SEC14L3: variants seen among roughly 807,000 people sequenced by gnomAD.
The protein encoded by SEC14L3 is SEC14-like protein 3.
Under a neutral mutation model 57.4 loss-of-function variants are expected in SEC14L3, and 56 were observed. That is an observed-to-expected ratio of 0.97 (90% CI 0.79 to 1.22). The LOEUF (loss-of-function observed/expected upper bound fraction) is 1.22. Ranked by LOEUF, SEC14L3 falls within the 50% of genes most tolerant of loss-of-function variation. SEC14L3 has a pLI of 0.00. For synonymous variants in SEC14L3, 173 were observed against 194.4 expected, an observed-to-expected ratio of 0.89 and a Z score of 0.92; for missense variants, 485 against 511.7, an observed-to-expected ratio of 0.95 and a Z score of 0.50.
chr22:30,458,585 T>C (rs919250896), downstream of SEC14L3, among the ~76,000 whole-genome samples: 8 of 152,172 alleles, frequency 5.3e-5, no homozygotes, highest in Admixed American at 5.2e-4. Context: ...GATGTGGTCT[T>C]ACTATGTTGC....
At chr22:30,467,866 C>A (rs1601824401) in intron 5 of SEC14L3, among the ~76,000 whole-genome samples, 1 of 152,332 alleles carries the variant, frequency 6.6e-6, no homozygotes, top group East Asian at 1.9e-4. Context: ...TTCACTTTTG[C>A]AACCATTATT....
chr22:30,469,040 G>T, intron 4 of SEC14L3: 2 of 1,186,628 alleles, frequency 1.7e-6, no homozygotes, highest in Non-Finnish European at 2.2e-6. Context: ...GACACTGGCT[G>T]GGCATGGAGG....
downstream of SEC14L3, among the ~76,000 whole-genome samples, chr22:30,454,801 T>C (rs1935065297): frequency 1.7e-5 from 1 of 58,958 alleles, no homozygotes; most frequent in Non-Finnish European, 2.6e-5. Context: ...TATTATTGTA[T>C]ATTATATATT....
chr22:30,470,317 T>G, intron 2 of SEC14L3, 62 bp from the exon 3 acceptor site: 1 of 1,597,876 alleles, frequency 6.3e-7, no homozygotes, highest in Non-Finnish European at 8.5e-7. Context: ...TCCTGGCCAG[T>G]GGGAGCTATG....
downstream of SEC14L3, among the ~76,000 whole-genome samples, chr22:30,458,204 G>A (rs776747584): frequency 9.9e-5 from 15 of 152,250 alleles, no homozygotes; most frequent in Non-Finnish European, 1.5e-4. Context: ...GCCTCTTCAC[G>A]TCCCCGAATC....
chr22:30,459,943 T>C lies in SEC14L3; in HGVS notation c.*78A>G. On this transcript the variant is annotated 3_prime_UTR_variant, in exon 12 of 12. Transcript: ENST00000215812. ...CAGAGTCAGGAGGACTAACAATCAATTTCAGGGAGGGAGGGAGTGTAGGAT... is the reference window on the plus strand; with the variant it reads ...CAGAGTCAGGAGGACTAACAATCAACTTCAGGGAGGGAGGGAGTGTAGGAT... 3.2e-6 allele frequency: 5 copies of C among 1,552,604 alleles called. No homozygotes were observed.
chr22:30,466,647 T>C (rs1935425881), intron 6 of SEC14L3, among the ~76,000 whole-genome samples: 1 of 152,204 alleles, frequency 6.6e-6, no homozygotes, highest in Non-Finnish European at 1.5e-5. Flanking sequence ...TACTGTTGAT[T>C]AAATGTTCAC....
downstream of SEC14L3, among the ~76,000 whole-genome samples, chr22:30,455,180 A>T (rs1935096649): frequency 9.1e-6 from 1 of 110,142 alleles, no homozygotes; most frequent in Non-Finnish European, 1.7e-5. Context: ...TATTATATTT[A>T]ATATTTAATA....
chr22:30,449,226 C>T, exon 13 of SEC14L3: 1 of 1,550,416 alleles, frequency 6.4e-7, no homozygotes. Context: ...GCAAGACTTC[C>T]CAGACTCACT....
chr22:30,450,949 T>C (rs1934968752), intron 12 of SEC14L3, among the ~76,000 whole-genome samples: 1 of 152,164 alleles, frequency 6.6e-6, no homozygotes, highest in African/African-American at 2.4e-5. Flanking sequence ...CATGCTGGGA[T>C]TGGGATTTGG....
intron 8 of SEC14L3, 28 bp downstream of exon 8, chr22:30,464,792 G>C: frequency 1.2e-6 from 2 of 1,610,238 alleles, no homozygotes; most frequent in Non-Finnish European, 1.7e-6. Flanking sequence ...ATGTATAGAG[G>C]TCAGGAAATT....
Position 30,459,391 on chromosome 22 carries a change from A to C in SEC14L3, c.*630T>G, listed in dbSNP as rs1251877271. The stretch of plus-strand genomic sequence containing the variant: ...GATGTAGGCAGCTCCTATCAGAGGC[A>C]TGTGGCCTTTGTGGCTGGGGCCCTC... On this transcript the variant is annotated 3_prime_UTR_variant, in exon 12 of 12. Transcript: ENST00000215812. The C allele has an allele frequency of 1.0e-6, 1 of 985,362 alleles. No individual in the cohort carries two copies. The highest frequency in any genetic ancestry group is 1.2e-6 in the Non-Finnish European group (1 of 829,984). The allele number at this position is 985,362 out of a possible 1,614,324, so 61.0% of individuals were successfully genotyped here. A position where few individuals can be genotyped will look rare whatever the true frequency, so the allele number is the denominator to read the frequency against.
At position 30,470,573 on chromosome 22, in the gene SEC14L3, T is replaced by C; in HGVS notation, c.64A>G (p.Asn22Asp). The C allele has an allele frequency of 1.2e-6, 2 of 1,614,212 alleles. No homozygotes were observed. Among genetic ancestry groups the C allele is most frequent in the Non-Finnish European group, 1.7e-6 (2 of 1,180,036 alleles). ...QAETLAKFRE[N>D]VQDVLPALPN... ...AGGGCAGGAAGCACATCCTGGACGT[T>C]TTCTCGGAACTGGCAAGAGAGATGC... The change falls in exon 2 of 12, where the codon AAC becomes GAC. Residue 22 changes from asparagine to aspartate, a missense_variant. Physicochemically the swap from Asn to Asp is conservative, Grantham distance 23 (BLOSUM62 1). Transcript: ENST00000215812.
intron 1 of SEC14L3, 129 bp downstream of exon 1, chr22:30,471,776 G>T: frequency 1.5e-6 from 2 of 1,349,072 alleles, no homozygotes; most frequent in Admixed American, 1.7e-5. Context: ...CCCTTTGGGA[G>T]GTAACACCAA....
rs749667084 is a variant in SEC14L3, at chr22:30,470,194, A to G, written c.174+18T>C. On this transcript the variant is annotated intron_variant, in intron 3 of 11. Coordinates refer to ENST00000215812, the MANE Select transcript of SEC14L3 (RefSeq NM_174975.5). ...TGACAAATCCCCTCCATAAATTTCC[A>G]GAGTGGATAGGTCTCACCTTGCGGA... The G allele has an allele frequency of 9.3e-6, 15 of 1,613,954 alleles. No homozygotes were observed. The highest frequency in any genetic ancestry group is 1.3e-5 in the Non-Finnish European group (15 of 1,179,956).
chr22:30,449,870 C>A (rs1236170962), intron 12 of SEC14L3, among the ~76,000 whole-genome samples: 3 of 152,106 alleles, frequency 2.0e-5, no homozygotes, highest in Non-Finnish European at 4.4e-5. Context: ...TGGCCCCAAT[C>A]TGTCCCTGTT....
chr22:30,461,506 G>C, intron 10 of SEC14L3, 27 bp from the exon 11 acceptor site: 1 of 1,613,350 alleles, frequency 6.2e-7, no homozygotes, highest in Non-Finnish European at 8.5e-7. Flanking sequence ...GAGGAGACAG[G>C]TTGCTGCTCA....
chr22:30,467,997 C>T (rs981480503), intron 5 of SEC14L3, among the ~76,000 whole-genome samples: 1 of 152,118 alleles, frequency 6.6e-6, no homozygotes, highest in Non-Finnish European at 1.5e-5. Flanking sequence ...AATTCTATTC[C>T]CGGCCTGGTA....
rs1195543507 is a variant in SEC14L3 at position 30,464,915 on chromosome 22, G to A, written c.581-12C>T. ...GAACAGTTTGGTAGCTGGAGAGATA[G>A]AAGTAAGGATAATGGGAAGAAAAGA... On this transcript the variant is annotated splice_polypyrimidine_tract_variant and intron_variant, in intron 7 of 11. Transcript: ENST00000215812. 3 of 1,613,636 alleles carry A rather than the reference G, an allele frequency of 1.9e-6. No homozygotes were observed. Among genetic ancestry groups the A allele is most frequent in the Non-Finnish European group, 2.5e-6 (3 of 1,179,634 alleles).
Sources: allele counts gnomAD v4.1 joint callset (sites outside exome capture counted in the v4.1 genomes callset), GRCh38; gene constraint gnomAD v4.1.1; transcripts MANE v1.5; gene names NCBI Gene and HGNC (gene_info 2026-07-23, HGNC 2026-07-21).